Variants in DLG2 observed in about 807,000 individuals in gnomAD.
DLG2 encodes the protein discs large MAGUK scaffold protein 2.
Under a neutral mutation model 132.5 loss-of-function variants are expected in DLG2, and 45 were observed. The observed-to-expected ratio is 0.34, with a 90% CI of 0.27 to 0.44. DLG2 has a LOEUF of 0.44. DLG2 is among the 20% of genes least tolerant of loss of function. The pLI, the probability that DLG2 is intolerant of heterozygous loss-of-function variation, is 1.00. For synonymous variants in DLG2, 424 were observed against 419.6 expected (o/e 1.01, Z -0.13); for missense variants, 1,045 against 1,196.9 (o/e 0.87, Z 1.87).
At chr11:84,836,501 A>G (rs2079797074) in intron 6 of DLG2, among the ~76,000 whole-genome samples, 1 of 151,846 alleles carries the variant, frequency 6.6e-6, no homozygotes, top group Non-Finnish European at 1.5e-5. Context: ...TCCCATGGAC[A>G]TCAAAGCCCT....
intron 15 of DLG2, among the ~76,000 whole-genome samples, chr11:83,896,266 T>G (rs939977341): frequency 6.6e-6 from 1 of 152,226 alleles, no homozygotes; most frequent in African/African-American, 2.4e-5. Context: ...TTATTGAAGG[T>G]ATCTAGTTGA....
chr11:84,839,627 T>C (rs568165907), intron 6 of DLG2, among the ~76,000 whole-genome samples: 1 of 152,248 alleles, frequency 6.6e-6, no homozygotes, highest in South Asian at 2.1e-4. Context: ...CATAGCATGG[T>C]ACTAGTACCA....
intron 8 of DLG2, among the ~76,000 whole-genome samples, chr11:84,183,724 A>C (rs12789473): frequency 0.065 from 9,824 of 151,234 alleles, 388 homozygotes; most frequent in African/African-American, 0.1. Context: ...ATCCCTCCCC[A>C]CTCCCCTCAC....
At chr11:83,672,827 C>T (rs1461039770) in intron 18 of DLG2, among the ~76,000 whole-genome samples, 1 of 152,130 alleles carries the variant, frequency 6.6e-6, no homozygotes, top group African/African-American at 2.4e-5. Flanking sequence ...CTTTGGGAGG[C>T]CGAGGCGGGT....
At chr11:85,332,424 T>C (rs1565335783) in intron 3 of DLG2, among the ~76,000 whole-genome samples, 1 of 151,090 alleles carries the variant, frequency 6.6e-6, no homozygotes, top group East Asian at 1.9e-4. Flanking sequence ...TTGTCTACTC[T>C]CTATGGGTCC....
Position 85,478,458 on chromosome 11 carries a change from A to T in DLG2, c.40+120199T>A, listed in dbSNP as rs190886467. On this transcript the variant is annotated intron_variant, in intron 3 of 27. Transcript: ENST00000376104. ...CACAGTATATTTATTCATAAAAAAA[A>T]TTTCTGAACCTACTATGTTATCATT... is the stretch of plus-strand genomic sequence containing the variant. Among the ~76,000 whole-genome samples the T allele has an allele frequency of 1.5e-4, 23 of 152,184 alleles. No individual in the cohort carries two copies. The East Asian group carries it at 3.7e-3, about 24-fold the overall frequency.
chr11:84,719,389 C>A (rs114279703), intron 6 of DLG2, among the ~76,000 whole-genome samples: 4,004 of 152,224 alleles, frequency 0.026, 177 homozygotes, highest in African/African-American at 0.092. Flanking sequence ...ACCATAGTAG[C>A]CACATGAAGT....
intron 3 of DLG2, among the ~76,000 whole-genome samples, chr11:85,296,474 T>C (rs2079221776): frequency 6.6e-6 from 1 of 150,940 alleles, no homozygotes; most frequent in Non-Finnish European, 1.5e-5. Context: ...TTTCTTTTTT[T>C]TTTTTTTTTT....
intron 6 of DLG2, among the ~76,000 whole-genome samples, chr11:84,934,410 T>C (rs1395158547): frequency 2.0e-5 from 3 of 151,648 alleles, no homozygotes; most frequent in Non-Finnish European, 4.4e-5. Flanking sequence ...GGAGGAGTCC[T>C]GTCTCAATTT....
intron 4 of DLG2, among the ~76,000 whole-genome samples, chr11:85,206,567 A>C (rs1305938129): frequency 4.6e-5 from 7 of 152,344 alleles, no homozygotes; most frequent in Admixed American, 1.3e-4. Context: ...ATTTTATCCC[A>C]ATAAATGTGA....
chr11:84,232,897 G>A (rs2097111618), intron 8 of DLG2, among the ~76,000 whole-genome samples: 1 of 152,184 alleles, frequency 6.6e-6, no homozygotes, highest in Non-Finnish European at 1.5e-5. Flanking sequence ...GAATGACAAG[G>A]AAGCTTAGTT....
At chr11:85,387,890 T>G (rs1340566207) in intron 3 of DLG2, among the ~76,000 whole-genome samples, 1 of 152,290 alleles carries the variant, frequency 6.6e-6, no homozygotes, top group East Asian at 1.9e-4. Context: ...ACCCACGTCA[T>G]GAACTTTTCT....
chr11:84,801,898 T>C (rs1352612893), intron 6 of DLG2, among the ~76,000 whole-genome samples: 1 of 152,196 alleles, frequency 6.6e-6, no homozygotes, highest in Non-Finnish European at 1.5e-5. Context: ...ATCAAAAGAA[T>C]TTCCCACGTT....
intron 11 of DLG2, among the ~76,000 whole-genome samples, chr11:83,986,675 G>A (rs9705124): frequency 0.025 from 3,732 of 151,178 alleles, 86 homozygotes; most frequent in East Asian, 0.13. Context: ...CACTCCCACC[G>A]ACAGTGTAAA....
intron 4 of DLG2, among the ~76,000 whole-genome samples, chr11:85,274,213 C>G (rs1449174878): frequency 6.6e-6 from 1 of 152,116 alleles, no homozygotes; most frequent in Admixed American, 6.6e-5. Flanking sequence ...TGTAACAAAC[C>G]TGCACGCTGT....
At chr11:84,224,092 C>T (rs2096955970) in intron 8 of DLG2, among the ~76,000 whole-genome samples, 1 of 152,224 alleles carries the variant, frequency 6.6e-6, no homozygotes, top group Non-Finnish European at 1.5e-5. Context: ...CCTAACTCCT[C>T]CCACATTGTC....
intron 12 of DLG2, among the ~76,000 whole-genome samples, chr11:83,970,225 T>C (rs551869803): frequency 1.3e-5 from 2 of 152,282 alleles, no homozygotes; most frequent in African/African-American, 4.8e-5. Flanking sequence ...GGTCAGTGCT[T>C]ATTAAATTGC....
chr11:83,868,582 ATTATT>A (rs1410304712), intron 16 of DLG2, among the ~76,000 whole-genome samples: 1 of 152,176 alleles, frequency 6.6e-6, no homozygotes, highest in African/African-American at 2.4e-5. Context: ...TAAAATGAAT[ATTATT>A]TTAATACATT....
intron 3 of DLG2, among the ~76,000 whole-genome samples, chr11:85,302,953 C>G (rs1481548780): frequency 6.6e-6 from 1 of 152,156 alleles, no homozygotes; most frequent in African/African-American, 2.4e-5. Flanking sequence ...CTCCATTTCA[C>G]AAATAGGAAA....
Sources: allele counts gnomAD v4.1 joint callset (sites outside exome capture counted in the v4.1 genomes callset), GRCh38; gene constraint gnomAD v4.1.1; transcripts MANE v1.5; gene names NCBI Gene and HGNC (gene_info 2026-07-23, HGNC 2026-07-21).